Variants in TEX26 observed in about 807,000 individuals in gnomAD.
The protein encoded by TEX26 is testis expressed 26.
A neutral mutation model predicts 35.3 loss-of-function variants in TEX26; 34 were observed. The observed-to-expected ratio is 0.96, with a 90% CI of 0.73 to 1.28. TEX26 has a LOEUF of 1.28. Among genes scored for constraint, TEX26 ranks in the 50% most tolerant of loss-of-function variants. The pLI is 0.00. For missense variants in TEX26, 371 were observed against 330.1 expected, an observed-to-expected ratio of 1.12 and a Z score of -0.96; for synonymous variants, 136 against 111.8, an observed-to-expected ratio of 1.22 and a Z score of -1.36.
intron 2 of TEX26, among the ~76,000 whole-genome samples, chr13:30,952,400 TA>T (rs1300227725): frequency 6.6e-6 from 1 of 152,130 alleles, no homozygotes; most frequent in African/African-American, 2.4e-5. Flanking sequence ...TTCAGCTCTT[TA>T]AAAAAATTAA....
Position 30,939,735 on chromosome 13 carries a change from A to T in TEX26, c.103A>T (p.Thr35Ser). 6.2e-7 allele frequency: 1 copy of T among 1,614,120 alleles called. No homozygotes were observed. The highest frequency in any genetic ancestry group is 8.5e-7 in the Non-Finnish European group (1 of 1,179,968). Residue 35 changes from threonine (T) to serine (S), a missense_variant, in exon 2 of 7, where the codon ACT (threonine) becomes TCT (serine). Thr to Ser is a moderately conservative substitution (Grantham distance 58). Transcript: ENST00000380473. ...NWDSYATTMR[T>S]AFTPKTGAVP... ...GGATTCCTATGCTACCACTATGAGGACTGCATTCACGCCTAAAACAGGAGC... is the reference window on the plus strand; with the variant it reads ...GGATTCCTATGCTACCACTATGAGGTCTGCATTCACGCCTAAAACAGGAGC...
At chr13:30,967,646 G>T (rs1431190463) in intron 5 of TEX26, among the ~76,000 whole-genome samples, 21 of 152,172 alleles carry the variant, frequency 1.4e-4, no homozygotes. Context: ...CCTCCATTTG[G>T]CCAATGACCC....
chr13:30,967,402 C>T (rs1185090390), intron 5 of TEX26, among the ~76,000 whole-genome samples: 1 of 152,190 alleles, frequency 6.6e-6, no homozygotes, highest in Non-Finnish European at 1.5e-5. Context: ...CCCCATCCCC[C>T]TTCGTTGTCT....
At chr13:30,940,810 C>G (rs1728922593) in intron 2 of TEX26, among the ~76,000 whole-genome samples, 2 of 152,006 alleles carry the variant, frequency 1.3e-5, no homozygotes, top group Non-Finnish European at 2.9e-5. Context: ...TGGTGGCAGG[C>G]ACTTGTAATC....
intron 4 of TEX26, 119 bp downstream of exon 4, chr13:30,957,148 A>C (rs1435390258): frequency 1.9e-6 from 2 of 1,032,574 alleles, no homozygotes; most frequent in African/African-American, 3.2e-5. Flanking sequence ...GCATGGAGAC[A>C]GGCGACTTTG....
chr13:30,933,024 G>C lies in TEX26; in HGVS notation c.61+248G>C, dbSNP rs576641717. ...AAACGCGCAGGGTTTTTAAACACTCGAGGAAGTGCCTGGCTAAGAGGGGAC... is the reference window on the plus strand; with the variant it reads ...AAACGCGCAGGGTTTTTAAACACTCCAGGAAGTGCCTGGCTAAGAGGGGAC... On this transcript the variant is annotated intron_variant, in intron 1 of 6. Coordinates refer to ENST00000380473, the MANE Select transcript of TEX26 (RefSeq NM_152325.3). 2.1e-5 allele frequency: 9 copies of C among 426,554 alleles called. No individual in the cohort carries two copies. The East Asian group carries it at 3.1e-4, about 14-fold the overall frequency. 26.4% of individuals were successfully genotyped at this position (426,554 alleles called of 1,614,324 possible).
At chr13:30,965,948 A>G (rs1954509878) in intron 4 of TEX26, among the ~76,000 whole-genome samples, 1 of 152,158 alleles carries the variant, frequency 6.6e-6, no homozygotes. Context: ...TCTCTCTGAC[A>G]CCCACCTCTG....
intron 2 of TEX26, among the ~76,000 whole-genome samples, chr13:30,948,492 G>C (rs1254118157): frequency 6.6e-6 from 1 of 152,062 alleles, no homozygotes; most frequent in Admixed American, 6.5e-5. Context: ...GATGGCCAGT[G>C]ATGGTGAGCA....
intron 4 of TEX26, among the ~76,000 whole-genome samples, chr13:30,964,612 A>G (rs1428357527): frequency 6.6e-6 from 1 of 152,218 alleles, no homozygotes; most frequent in Non-Finnish European, 1.5e-5. Context: ...CAAGTGTCTT[A>G]GTCTGTTTTG....
intron 3 of TEX26, among the ~76,000 whole-genome samples, chr13:30,955,833 C>T (rs1321473875): frequency 3.3e-5 from 5 of 152,128 alleles, no homozygotes; most frequent in Admixed American, 3.3e-4. Context: ...CGCGGCTCCC[C>T]TCCCGTCACA....
chr13:30,946,757 T>C (rs1168465234), intron 2 of TEX26, among the ~76,000 whole-genome samples: 1 of 152,044 alleles, frequency 6.6e-6, no homozygotes, highest in African/African-American at 2.4e-5. Context: ...CTTTGTCAAA[T>C]GTCAACATAA....
In TEX26 at chr13:30,969,022, T is replaced by C. The variant is rs145015024; in HGVS notation, c.784T>C (p.Tyr262His). Residue 262 changes from tyrosine (Y) to histidine (H), a missense_variant, in exon 6 of 7, where the codon TAC (tyrosine) becomes CAC (histidine). Transcript: ENST00000380473. Reference sequence around the variant, plus strand: ...ATTTACTTCCTCTCAAGTCAAAGAGTACCTTCAGAGTCTTTCCTACAAAGG... The same window carrying C: ...ATTTACTTCCTCTCAAGTCAAAGAGCACCTTCAGAGTCTTTCCTACAAAGG... ...NSFTSSQVKE[Y>H]LQSLSYKDRQ... 1 of 1,613,882 alleles carries C rather than the reference T, an allele frequency of 6.2e-7. No individual in the cohort carries two copies. Among genetic ancestry groups the C allele is most frequent in the Non-Finnish European group, 8.5e-7 (1 of 1,179,904 alleles).
At chr13:30,969,524 C>T (rs545560575) in intron 6 of TEX26, among the ~76,000 whole-genome samples, 1 of 152,316 alleles carries the variant, frequency 6.6e-6, no homozygotes, top group African/African-American at 2.4e-5. Flanking sequence ...CTTCACTCCA[C>T]ATGACAAAAG....
In TEX26 at chr13:30,966,373, C is replaced by G. The variant is rs1052162492; in HGVS notation, c.621C>G (p.Ser207Arg). ...DFSFKYGCYS[S>R]LPVASQGLVP... is the part of the protein sequence containing the mutation. ...GTTTCAAATATGGATGCTACTCAAGCTTGCCTGTTGCTTCTCAGGGTCTAG... is the reference window on the plus strand; with the variant it reads ...GTTTCAAATATGGATGCTACTCAAGGTTGCCTGTTGCTTCTCAGGGTCTAG... The change falls in exon 5 of 7, where the codon AGC becomes AGG. Residue 207 changes from serine to arginine, a missense_variant. Ser to Arg is a moderately radical substitution (Grantham distance 110). Transcript: ENST00000380473. 6.2e-7 allele frequency: 1 copy of G among 1,612,562 alleles called. No homozygotes were observed. The highest frequency in any genetic ancestry group is 1.1e-5 in the South Asian group (1 of 91,060).
intron 6 of TEX26, among the ~76,000 whole-genome samples, chr13:30,970,373 T>G (rs1290327075): frequency 6.6e-6 from 1 of 151,984 alleles, no homozygotes; most frequent in African/African-American, 2.4e-5. Flanking sequence ...TAAAGGAACA[T>G]GGAGTGAGTA....
intron 6 of TEX26, among the ~76,000 whole-genome samples, chr13:30,970,561 C>T (rs1316470535): frequency 2.0e-5 from 3 of 152,200 alleles, no homozygotes; most frequent in Non-Finnish European, 1.5e-5. Context: ...AAATTATCCT[C>T]TGCATTTTAC....
intron 2 of TEX26, 94 bp from the exon 3 acceptor site, chr13:30,952,566 A>T (rs1953966473): frequency 1.6e-5 from 18 of 1,092,260 alleles, no homozygotes; most frequent in Non-Finnish European, 2.2e-5. Context: ...CAATCTTTTT[A>T]AAAAATGTAA....
Position 30,962,750 on chromosome 13 carries a change from TAGAC to T in TEX26, c.470-3469_470-3466del, listed in dbSNP as rs575147858. On this transcript the variant is annotated intron_variant, in intron 4 of 6. Transcript: ENST00000380473. Reference sequence around the variant, plus strand: ...GGCTTTGATGAATCAGAGCAGCTGATAGACAGCGGAGCTAGTTCCCACTTGACTA... The same window carrying T: ...GGCTTTGATGAATCAGAGCAGCTGATAGCGGAGCTAGTTCCCACTTGACTA... 3.9e-5 allele frequency among the ~76,000 whole-genome samples: 6 copies of T among 152,238 alleles called. No individual in the cohort carries two copies. The South Asian group carries it at 1.0e-3, about 26-fold the overall frequency.
chr13:30,954,311 CACACA>C (rs1566154075), intron 3 of TEX26, among the ~76,000 whole-genome samples: 1 of 144,982 alleles, frequency 6.9e-6, no homozygotes, highest in African/African-American at 2.6e-5. Flanking sequence ...CACACACACA[CACACA>C]CACATATATG....
Sources: gnomAD v4.1 joint callset for allele counts (sites outside exome capture counted in the v4.1 genomes callset) on GRCh38, gnomAD v4.1.1 for gene constraint, MANE v1.5 for transcripts, NCBI Gene and HGNC (gene_info 2026-07-23, HGNC 2026-07-21) for gene names.